Variants in CHAF1A observed in about 807,000 individuals in gnomAD.
CHAF1A encodes the protein CAF-1 subunit A.
A neutral mutation model predicts 93.2 loss-of-function variants in CHAF1A; 5 were observed. The observed-to-expected ratio is 0.05, with a 90% confidence interval of 0.03 to 0.11. The LOEUF is 0.11. CHAF1A is among the 10% of genes least tolerant of loss of function. The pLI is 1.00. For missense variants in CHAF1A, 1,102 were observed against 1,259.9 expected, an observed-to-expected ratio of 0.87 and a Z score of 1.90; for synonymous variants, 504 against 510.3, an observed-to-expected ratio of 0.99 and a Z score of 0.17.
Position 4,418,042 on chromosome 19 carries a change from G to A in CHAF1A, c.983G>A (p.Gly328Asp), listed in dbSNP as rs773074829. 5.0e-6 allele frequency: 8 copies of A among 1,606,384 alleles called. No homozygotes were observed. The highest frequency in any genetic ancestry group is 6.8e-6 in the Non-Finnish European group (8 of 1,176,720). ...CAGATAACTAAGAAATTCGTCAAAG[G>A]CTCTACAGAGAAGAACAAGCTCAGA... Reference protein sequence around the residue: ...LRRITKKFVKGSTEKNKLRLQ... With the variant: ...LRRITKKFVKDSTEKNKLRLQ... Residue 328 changes from glycine (G) to aspartate (D), a missense_variant, in exon 4 of 15, where the codon GGC becomes GAC. By Grantham distance (94) the Gly-to-Asp change is moderately conservative (BLOSUM62 -1). Coordinates refer to ENST00000301280, the MANE Select transcript of CHAF1A (RefSeq NM_005483.3).
chr19:4,431,891 A>G, intron 11 of CHAF1A, 61 bp from the exon 12 acceptor site: 1 of 1,539,348 alleles, frequency 6.5e-7, no homozygotes, highest in Non-Finnish European at 8.8e-7. Context: ...GTTCCTCAAA[A>G]GAGTGCCCGG....
chr19:4,442,273 A>G lies in CHAF1A; in HGVS notation c.2702A>G (p.Gln901Arg). The G allele has an allele frequency of 6.2e-7, 1 of 1,613,928 alleles. No individual in the cohort carries two copies. Residue 901 changes from glutamine to arginine, a missense_variant, in exon 14 of 15, where the codon CAG becomes CGG. This residue lies in a region of CHAF1A where 119 missense variants were observed against 102.2 expected (regional missense o/e 1.16). Transcript: ENST00000301280. ...QIGAEDMDGF[Q>R]ADTEEEEEEE... ...GGTGCTGAAGACATGGACGGCTTCC[A>G]GGCAGACACGGAGGAGGAGGAAGAG...
chr19:4,440,899 CCTGAGGT>C (rs1186339106), intron 13 of CHAF1A, among the ~76,000 whole-genome samples: 1 of 151,940 alleles, frequency 6.6e-6, no homozygotes, highest in Admixed American at 6.6e-5. Context: ...GTGGGCGAAT[CCTGAGGT>C]CAGGAGTTCG....
downstream of CHAF1A, chr19:4,447,390 G>A (rs1002779837): frequency 1.4e-6 from 1 of 720,970 alleles, no homozygotes; most frequent in Non-Finnish European, 2.4e-6. Context: ...TCTCCATCTT[G>A]TCCTGCTACC....
Position 4,409,042 on chromosome 19 carries a change from G to T in CHAF1A, c.243G>T (p.Val81=). 1 of 1,614,186 alleles carries T rather than the reference G, an allele frequency of 6.2e-7. No homozygotes were observed. The highest frequency in any genetic ancestry group is 8.5e-7 in the Non-Finnish European group (1 of 1,180,046). The change falls in exon 3 of 15, where the codon GTG becomes GTT. Residue 81 remains valine, a synonymous_variant. Coordinates refer to ENST00000301280, the MANE Select transcript of CHAF1A (RefSeq NM_005483.3). ...ACACCTTGGAAAACAACTGTCATGT[G>T]GGTTCTGACATAGACTTTAGACCGA... The part of the protein sequence containing the change: ...SLDTLENNCH[V]GSDIDFRPKL...
chr19:4,402,671 A>AGCGGCAGCC lies in CHAF1A; in HGVS notation c.-87_-86insAGCCGCGGC, dbSNP rs1973602753. The AGCGGCAGCC allele has an allele frequency of 1.2e-6, 1 of 840,990 alleles. No individual in the cohort carries two copies. The highest frequency in any genetic ancestry group is 1.5e-6 in the Non-Finnish European group (1 of 646,822). 52.1% of individuals were successfully genotyped at this position (840,990 alleles called of 1,614,324 possible). A position where few individuals can be genotyped will look rare whatever the true frequency, so the allele number is the denominator to read the frequency against. On this transcript the variant is annotated 5_prime_UTR_variant, in exon 1 of 15. Coordinates refer to ENST00000301280, the MANE Select transcript of CHAF1A (RefSeq NM_005483.3). ...CGAGCGCGGCGGCCGCGGCGGCAGC[A>AGCGGCAGCC]GCGGCGCGGGCGGGAGGGCGAAGAG... is the stretch of plus-strand genomic sequence containing the variant.
chr19:4,446,058 C>T, downstream of CHAF1A: 1 of 1,611,588 alleles, frequency 6.2e-7, no homozygotes, highest in Non-Finnish European at 8.5e-7. Context: ...CCAGCCCGCA[C>T]TCGTTCAAGG....
At chr19:4,417,959 C>T (rs1973924322) in intron 3 of CHAF1A, 61 bp from the exon 4 acceptor site, 3 of 1,250,280 alleles carry the variant, frequency 2.4e-6, no homozygotes, top group South Asian at 2.6e-5. Flanking sequence ...GGAAAGGTTT[C>T]TCTTTTTCTC....
intron 12 of CHAF1A, among the ~76,000 whole-genome samples, chr19:4,432,680 A>T (rs1167659543): frequency 1.3e-5 from 2 of 151,186 alleles, no homozygotes; most frequent in African/African-American, 4.9e-5. Context: ...GGATTGCTTG[A>T]GCCTAGGAGT....
chr19:4,427,447 C>T (rs1208304836), intron 7 of CHAF1A, among the ~76,000 whole-genome samples: 1 of 146,878 alleles, frequency 6.8e-6, no homozygotes, highest in Non-Finnish European at 1.5e-5. Context: ...ATTCTCCTGC[C>T]TCAGGCCCAG....
chr19:4,430,394 T>C (rs921258726), intron 10 of CHAF1A, among the ~76,000 whole-genome samples, 155 bp from the exon 11 acceptor site: 3 of 152,044 alleles, frequency 2.0e-5, no homozygotes, highest in Non-Finnish European at 2.9e-5. Flanking sequence ...GCCAGGCTGG[T>C]CTCAAACTCC....
chr19:4,431,732 T>A (rs963164696), intron 11 of CHAF1A, among the ~76,000 whole-genome samples: 21 of 152,216 alleles, frequency 1.4e-4, no homozygotes, highest in African/African-American at 4.8e-4. Context: ...TTCAGAAATA[T>A]CTGTGACGCT....
At chr19:4,427,702 C>G (rs549732880) in intron 7 of CHAF1A, among the ~76,000 whole-genome samples, 4 of 152,348 alleles carry the variant, frequency 2.6e-5, no homozygotes, top group Admixed American at 1.3e-4. Flanking sequence ...ATTCTCCTGC[C>G]TCAGGCTCCC....
intron 13 of CHAF1A, among the ~76,000 whole-genome samples, chr19:4,437,177 G>A (rs1269572996): frequency 6.6e-6 from 1 of 152,136 alleles, no homozygotes; most frequent in African/African-American, 2.4e-5. Flanking sequence ...CCCAGGCCCA[G>A]CTTGATGCTT....
chr19:4,419,029 A>ATTTTT (rs11406470), intron 4 of CHAF1A, among the ~76,000 whole-genome samples: 13 of 96,446 alleles, frequency 1.3e-4, no homozygotes, highest in South Asian at 3.7e-4. Context: ...TAGCCAGCTA[A>ATTTTT]TTTTTTTTTT....
chr19:4,428,331 A>G (rs1974121849), intron 7 of CHAF1A, among the ~76,000 whole-genome samples: 1 of 150,562 alleles, frequency 6.6e-6, no homozygotes, highest in African/African-American at 2.4e-5. Flanking sequence ...GTTGAGATAT[A>G]ATTTACATCC....
At chr19:4,446,731 C>G (rs1246051770), downstream of CHAF1A, 1 of 1,608,074 alleles carries the variant, frequency 6.2e-7, no homozygotes, top group African/African-American at 1.3e-5. Flanking sequence ...TACAGCGTGG[C>G]AGGACATGGG....
rs149070934 is a variant in CHAF1A at position 4,409,144 on chromosome 19, C to T, written c.345C>T (p.Val115=). 1,590 of 1,614,214 alleles carry T rather than the reference C, an allele frequency of 9.8e-4. No individual in the cohort carries two copies. The highest frequency in any genetic ancestry group is 1.3e-3 in the Non-Finnish European group (1,540 of 1,180,054). Residue 115 remains valine (V), a synonymous_variant, in exon 3 of 15, where the codon GTC becomes GTT. Transcript: ENST00000301280. ...AAACCAGTATTGGCCAGAGCACAGT[C>T]ATCATTGATTTGACAGAGGACTCGA... ...RIETSIGQST[V]IIDLTEDSNE... is the part of the protein sequence containing the mutation.
rs554918202 is a variant in CHAF1A, at chr19:4,436,158, A to C, written c.2673+2619A>C. ...TAGTCCCCCAAAAAAAAAAGAAAAG[A>C]AAAGGTGGTCGTTAGGGGCAGGGAG... On this transcript the variant is annotated intron_variant, in intron 13 of 14. Transcript: ENST00000301280. Among the ~76,000 whole-genome samples the C allele has an allele frequency of 1.5e-3, 222 of 151,150 alleles. 2 individuals are homozygous for C. The highest frequency in any genetic ancestry group is 5.1e-3 in the African/African-American group (206 of 40,790).
Sources: gnomAD v4.1 joint callset for allele counts (sites outside exome capture counted in the v4.1 genomes callset) on GRCh38, gnomAD v4.1.1 for gene constraint, gnomAD v4.1.1 regional missense constraint, MANE v1.5 for transcripts, NCBI Gene and HGNC (gene_info 2026-07-23, HGNC 2026-07-21) for gene names.